Variants in CEP128 observed in about 807,000 individuals in gnomAD.
The protein encoded by CEP128 is centrosomal protein 128kDa.
In CEP128, 132 loss-of-function variants were observed where a neutral mutation model predicts 156.7. That is an observed-to-expected ratio of 0.84 (90% CI 0.73 to 0.97). CEP128 has a LOEUF of 0.97. CEP128 is among the 50% of genes least tolerant of loss of function. The probability of loss-of-function intolerance (pLI) is 0.00; values close to 1 mark genes in which losing one functional copy is unlikely to be tolerated. For synonymous variants in CEP128, 469 were observed against 448.9 expected (o/e 1.04, Z -0.57); for missense variants, 1,252 against 1,281.9 (o/e 0.98, Z 0.36).
At chr14:80,674,726 T>C (rs1037560048) in intron 19 of CEP128, among the ~76,000 whole-genome samples, 1 of 152,148 alleles carries the variant, frequency 6.6e-6, no homozygotes, top group Non-Finnish European at 1.5e-5. Context: ...ATCTAACTTG[T>C]TTTTACTTTA....
intron 20 of CEP128, among the ~76,000 whole-genome samples, chr14:80,574,738 A>G (rs935396620): frequency 2.0e-5 from 3 of 152,180 alleles, no homozygotes; most frequent in Admixed American, 1.3e-4. Context: ...AGGCTACTCC[A>G]TAAGTAGCTG....
At chr14:80,536,451 CAT>C (rs1594963711) in intron 21 of CEP128, among the ~76,000 whole-genome samples, 2 of 152,136 alleles carry the variant, frequency 1.3e-5, no homozygotes, top group South Asian at 2.1e-4. Flanking sequence ...GCACTGCACA[CAT>C]GTTAAATAAA....
intron 19 of CEP128, among the ~76,000 whole-genome samples, chr14:80,716,868 A>G (rs1897626135): frequency 6.6e-6 from 1 of 152,122 alleles, no homozygotes; most frequent in South Asian, 2.1e-4. Context: ...ACAGGTTCCA[A>G]TTTCTCTATA....
intron 9 of CEP128, among the ~76,000 whole-genome samples, 188 bp downstream of exon 9, chr14:80,862,569 A>C (rs138256891): frequency 8.9e-4 from 135 of 152,292 alleles, no homozygotes; most frequent in African/African-American, 3.0e-3. Context: ...TTGCCCAACT[A>C]ATGTCACATG....
At chr14:80,852,992 T>C (rs1256868397) in intron 9 of CEP128, among the ~76,000 whole-genome samples, 1 of 151,956 alleles carries the variant, frequency 6.6e-6, no homozygotes, top group Non-Finnish European at 1.5e-5. Context: ...CAACATCTAT[T>C]GATGGAATCA....
chr14:80,558,840 T>A (rs4903925), intron 21 of CEP128, among the ~76,000 whole-genome samples: 47,874 of 152,158 alleles, frequency 0.31, 9,288 homozygotes, highest in Admixed American at 0.45. Context: ...GCTGGCATGC[T>A]TGCATTATTC....
chr14:80,563,908 C>T (rs1890803252), intron 20 of CEP128, among the ~76,000 whole-genome samples: 1 of 152,248 alleles, frequency 6.6e-6, no homozygotes, highest in South Asian at 2.1e-4. Context: ...TATTGTATTA[C>T]ACTAAATGTA....
At chr14:80,948,068 G>A (rs1886383973) in intron 2 of CEP128, among the ~76,000 whole-genome samples, 1 of 118,956 alleles carries the variant, frequency 8.4e-6, no homozygotes, top group South Asian at 2.7e-4. Flanking sequence ...GATGTTATAG[G>A]TAAGTAAAAG....
chr14:80,712,247 T>G (rs534291322), intron 19 of CEP128, among the ~76,000 whole-genome samples: 57 of 152,148 alleles, frequency 3.7e-4, no homozygotes, highest in Non-Finnish European at 7.2e-4. Flanking sequence ...TACTGGAGCT[T>G]CTTAATCATT....
At chr14:80,654,435 A>G (rs923840004) in intron 19 of CEP128, among the ~76,000 whole-genome samples, 2 of 152,184 alleles carry the variant, frequency 1.3e-5, no homozygotes, top group African/African-American at 4.8e-5. Context: ...AGCTACACAG[A>G]TGATATAGGA....
At chr14:80,664,205 G>A (rs1895518055) in intron 19 of CEP128, among the ~76,000 whole-genome samples, 1 of 152,068 alleles carries the variant, frequency 6.6e-6, no homozygotes, top group African/African-American at 2.4e-5. Context: ...TGATCTAGAT[G>A]TCCTAAAAAA....
At chr14:80,656,282 TATATATATTTATATATATATATA>T (rs1895144875) in intron 19 of CEP128, among the ~76,000 whole-genome samples, 4 of 7,338 alleles carry the variant, frequency 5.5e-4, no homozygotes, top group African/African-American at 2.8e-3. Flanking sequence ...TTTTTATTTA[TATATATATTTATATATATATATA>T]TATATATATA....
At chr14:80,581,484 A>G (rs1891591222) in intron 19 of CEP128, among the ~76,000 whole-genome samples, 1 of 152,168 alleles carries the variant, frequency 6.6e-6, no homozygotes, top group African/African-American at 2.4e-5. Context: ...CAGGCAATAC[A>G]CCAAAATTTC....
intron 2 of CEP128, among the ~76,000 whole-genome samples, chr14:80,917,729 G>T (rs1884642031): frequency 1.3e-5 from 2 of 152,156 alleles, no homozygotes; most frequent in South Asian, 4.1e-4. Context: ...AATGCATCTG[G>T]AAGTACATTG....
At chr14:80,637,622 A>ATATGCT (rs1894240674) in intron 19 of CEP128, among the ~76,000 whole-genome samples, 1 of 152,220 alleles carries the variant, frequency 6.6e-6, no homozygotes, top group South Asian at 2.1e-4. Context: ...TATTACTTAA[A>ATATGCT]TATGCTTATC....
At chr14:80,790,278 T>C (rs1901634750) in intron 14 of CEP128, among the ~76,000 whole-genome samples, 1 of 151,882 alleles carries the variant, frequency 6.6e-6, no homozygotes, top group Non-Finnish European at 1.5e-5. Flanking sequence ...CCATTATCCA[T>C]ATTAAAAAAG....
At chr14:80,603,419 A>G (rs1023450699) in intron 19 of CEP128, among the ~76,000 whole-genome samples, 1 of 152,202 alleles carries the variant, frequency 6.6e-6, no homozygotes, top group African/African-American at 2.4e-5. Flanking sequence ...CTGGAATTAG[A>G]TACTGATAGC....
intron 19 of CEP128, among the ~76,000 whole-genome samples, chr14:80,703,780 CTT>C (rs1491469087): frequency 6.6e-6 from 1 of 151,976 alleles, no homozygotes; most frequent in African/African-American, 2.4e-5. Flanking sequence ...TTTACCCACA[CTT>C]GTGTGTGTGT....
intron 19 of CEP128, among the ~76,000 whole-genome samples, chr14:80,740,962 C>T (rs1898804191): frequency 6.6e-6 from 1 of 152,050 alleles, no homozygotes; most frequent in Non-Finnish European, 1.5e-5. Context: ...AGTATAGCAC[C>T]TACCCCAAAC....
Sources: allele counts gnomAD v4.1 joint callset (sites outside exome capture counted in the v4.1 genomes callset), GRCh38; gene constraint gnomAD v4.1.1; transcripts MANE v1.5; gene names NCBI Gene and HGNC (gene_info 2026-07-23, HGNC 2026-07-21).